FSIP1: variants seen among roughly 807,000 people sequenced by gnomAD.
FSIP1 encodes the protein fibrous sheath interacting protein 1.
FSIP1 carries 65 observed loss-of-function variants against 60.9 expected under a neutral mutation model. That is an observed-to-expected ratio of 1.07 (90% CI 0.87 to 1.31). FSIP1 has a LOEUF of 1.31. Ranked by LOEUF, FSIP1 falls within the 40% of genes most tolerant of loss-of-function variation. FSIP1 has a pLI of 0.00. For synonymous variants in FSIP1, 209 were observed against 221.2 expected, an observed-to-expected ratio of 0.94 and a Z score of 0.49; for missense variants, 675 against 665.5, an observed-to-expected ratio of 1.01 and a Z score of -0.16.
intron 11 of FSIP1, among the ~76,000 whole-genome samples, chr15:39,616,436 G>A (rs543215774): frequency 6.6e-6 from 1 of 150,690 alleles, no homozygotes; most frequent in Admixed American, 6.6e-5. Context: ...AAAGTGCTTG[G>A]ACATTCACAG....
chr15:39,643,864 TATCA>T (rs1457087438), intron 10 of FSIP1, among the ~76,000 whole-genome samples: 1 of 152,194 alleles, frequency 6.6e-6, no homozygotes, highest in African/African-American at 2.4e-5. Context: ...CAAAACTTAG[TATCA>T]ATCACATTTT....
chr15:39,697,609 G>A (rs1039460674), intron 10 of FSIP1, among the ~76,000 whole-genome samples: 1 of 152,080 alleles, frequency 6.6e-6, no homozygotes, highest in Non-Finnish European at 1.5e-5. Context: ...ATTCGTCTTC[G>A]CTCGTCACTC....
Position 39,738,176 on chromosome 15 carries a change from A to G in FSIP1, c.806T>C (p.Val269Ala). 1.2e-6 allele frequency: 2 copies of G among 1,611,340 alleles called. No individual in the cohort carries two copies. The highest frequency in any genetic ancestry group is 1.7e-6 in the Non-Finnish European group (2 of 1,178,914). ...IELAKESRNP[V>A]VMVDREKKRL... ...TTTCTTCTCTCTGTCAACCATAACC[A>G]CTGGGTTTCTTGATTCCTTGGCCAA... is the stretch of plus-strand genomic sequence containing the variant. Residue 269 changes from valine to alanine, a missense_variant, in exon 8 of 12, where the codon GTG (valine) becomes GCG (alanine). By Grantham distance (64) the Val-to-Ala change is moderately conservative. Transcript: ENST00000350221.
At chr15:39,777,101 A>ATT (rs796629708) in intron 1 of FSIP1, among the ~76,000 whole-genome samples, 3 of 145,300 alleles carry the variant, frequency 2.1e-5, no homozygotes, top group African/African-American at 5.0e-5. Flanking sequence ...TAATTATAGT[A>ATT]TTTTTTTTTT....
rs933001038 is a variant in FSIP1, at chr15:39,758,515, G to A, written c.559+5306C>T. On this transcript the variant is annotated intron_variant, in intron 5 of 11. Transcript: ENST00000350221. The stretch of plus-strand genomic sequence containing the variant: ...CACTGTCCATGGATTTTTTTGAGGG[G>A]GGGGAATAAGGGGTATAGTCTCATT... 3.3e-5 allele frequency among the ~76,000 whole-genome samples: 5 copies of A among 152,026 alleles called. 1 individual carries two copies. The highest frequency in any genetic ancestry group is 6.6e-5 in the Admixed American group (1 of 15,250).
At chr15:39,745,825 C>T (rs1395876388) in intron 5 of FSIP1, among the ~76,000 whole-genome samples, 1 of 152,124 alleles carries the variant, frequency 6.6e-6, no homozygotes, top group Non-Finnish European at 1.5e-5. Flanking sequence ...TGGCTCACAC[C>T]TGTAATCCTG....
intron 10 of FSIP1, among the ~76,000 whole-genome samples, chr15:39,639,162 C>T (rs1892255791): frequency 6.6e-6 from 1 of 152,140 alleles, no homozygotes; most frequent in South Asian, 2.1e-4. Context: ...ACACCAAAGA[C>T]CAAAGTTCAC....
At chr15:39,632,474 C>T (rs1045705008) in intron 10 of FSIP1, among the ~76,000 whole-genome samples, 2 of 152,076 alleles carry the variant, frequency 1.3e-5, no homozygotes, top group South Asian at 2.1e-4. Context: ...CCACTGCGCC[C>T]GGCAACTTCT....
chr15:39,616,412 T>C (rs778882745), intron 11 of FSIP1, among the ~76,000 whole-genome samples: 6 of 152,164 alleles, frequency 3.9e-5, no homozygotes, highest in Non-Finnish European at 7.3e-5. Flanking sequence ...GTGTATGTGA[T>C]CCTATAGGAA....
chr15:39,642,364 G>A (rs1279328681), intron 10 of FSIP1, among the ~76,000 whole-genome samples: 1 of 152,140 alleles, frequency 6.6e-6, no homozygotes, highest in African/African-American at 2.4e-5. Flanking sequence ...CTAGCCTGGA[G>A]TGCTAGGCAT....
chr15:39,660,445 T>C lies in FSIP1; in HGVS notation c.1189-42200A>G, dbSNP rs188312906. ...AGATCACTGAGTATTTATGATGTTG[T>C]AACAGTTTTAATTGAATATAAGTCA... On this transcript the variant is annotated intron_variant, in intron 10 of 11. Coordinates refer to ENST00000350221, the MANE Select transcript of FSIP1 (RefSeq NM_152597.5). Among the ~76,000 whole-genome samples, 4 of 152,342 alleles carry C rather than the reference T, an allele frequency of 2.6e-5. No homozygotes were observed. In the East Asian group the frequency reaches 7.7e-4, roughly 29 times the overall value.
chr15:39,741,845 A>G lies in FSIP1; in HGVS notation c.615T>C (p.Pro205=). 2.5e-6 allele frequency: 4 copies of G among 1,606,200 alleles called. No individual in the cohort carries two copies. The highest frequency in any genetic ancestry group is 3.4e-6 in the Non-Finnish European group (4 of 1,173,404). The change falls in exon 6 of 12, where the codon CCT becomes CCC. Residue 205 remains proline, a synonymous_variant. Transcript: ENST00000350221. ...TFSSVFHTQI[P]PEEYEMQMQK... ...GCATCTGCATTTCATATTCTTCTGG[A>G]GGGATTTGAGTATGAAACACTGAGG...
chr15:39,756,579 C>T (rs1382501752), intron 5 of FSIP1, among the ~76,000 whole-genome samples: 1 of 152,046 alleles, frequency 6.6e-6, no homozygotes, highest in Non-Finnish European at 1.5e-5. Flanking sequence ...TCAGGCAATC[C>T]TCCTGACTCC....
chr15:39,739,767 T>A lies in FSIP1; in HGVS notation c.678A>T (p.Arg226Ser). The A allele has an allele frequency of 6.4e-7, 1 of 1,572,280 alleles. No individual in the cohort carries two copies. Among genetic ancestry groups the A allele is most frequent in the Non-Finnish European group, 8.6e-7 (1 of 1,165,866 alleles). ...LNKDFTCDVE[R>S]NESLIKSGKK... is the part of the protein sequence containing the mutation. ...TTCCTGATTTGATCAATGACTCATTTCTTTCCACATCACAGGTAAAATCTA... is the reference window on the plus strand; with the variant it reads ...TTCCTGATTTGATCAATGACTCATTACTTTCCACATCACAGGTAAAATCTA... Residue 226 changes from arginine to serine, a missense_variant, in exon 7 of 12, where the codon AGA becomes AGT. Physicochemically the swap from Arg to Ser is moderately radical, Grantham distance 110. Coordinates refer to ENST00000350221, the MANE Select transcript of FSIP1 (RefSeq NM_152597.5).
At chr15:39,731,414 TA>T (rs1422968968) in intron 8 of FSIP1, among the ~76,000 whole-genome samples, 1 of 152,126 alleles carries the variant, frequency 6.6e-6, no homozygotes, top group African/African-American at 2.4e-5. Flanking sequence ...GCCTAAATGA[TA>T]AAAAATAAAG....
intron 5 of FSIP1, 40 bp from the exon 6 acceptor site, chr15:39,741,940 T>TA (rs1358806753): frequency 4.6e-5 from 49 of 1,059,318 alleles, no homozygotes; most frequent in Non-Finnish European, 6.6e-5. Flanking sequence ...GCTCACAAAA[T>TA]AAATTAAGTA....
chr15:39,620,748 C>T (rs1891409934), intron 10 of FSIP1, among the ~76,000 whole-genome samples: 1 of 147,504 alleles, frequency 6.8e-6, no homozygotes. Flanking sequence ...CCCACCACCA[C>T]ACCTGGCTAA....
At chr15:39,705,796 G>A (rs141527832) in intron 10 of FSIP1, among the ~76,000 whole-genome samples, 1,676 of 152,020 alleles carry the variant, frequency 0.011, 23 homozygotes, top group African/African-American at 0.035. Context: ...TCAGGAGTTC[G>A]AGACCAGCCT....
rs540806078 is a variant in FSIP1, at chr15:39,679,516, C to A, written c.1188+33928G>T. Reference sequence around the variant, plus strand: ...TTTTGGGAGGCTGAGGTGGGAAGATCATTTGAGCCAAGGAGCTTGAGGTTA... The same window carrying A: ...TTTTGGGAGGCTGAGGTGGGAAGATAATTTGAGCCAAGGAGCTTGAGGTTA... On this transcript the variant is annotated intron_variant, in intron 10 of 11. Transcript: ENST00000350221. Among the ~76,000 whole-genome samples the A allele has an allele frequency of 5.3e-5, 8 of 152,226 alleles. No homozygotes were observed. The South Asian group carries it at 1.7e-3, about 32-fold the overall frequency.
Sources: gnomAD v4.1 joint callset for allele counts (sites outside exome capture counted in the v4.1 genomes callset) on GRCh38, gnomAD v4.1.1 for gene constraint, MANE v1.5 for transcripts, NCBI Gene and HGNC (gene_info 2026-07-23, HGNC 2026-07-21) for gene names.